AQP7B: variants seen among roughly 807,000 people sequenced by gnomAD.
AQP7B encodes putative aquaporin-7B.
At chr2:94,592,432 G>T in the AQP7B span, among the ~76,000 whole-genome samples, 1 of 152,124 alleles carries the variant, frequency 6.6e-6, no homozygotes, top group East Asian at 1.9e-4. Context: ...TGAGTAGATT[G>T]AGGGGGATGC....
At chr2:94,603,133 G>C in the AQP7B span, 5 of 1,549,290 alleles carry the variant, frequency 3.2e-6, no homozygotes, top group Non-Finnish European at 4.4e-6. Flanking sequence ...CAGTTCCTGG[G>C]CTCCTTCCTG....
chr2:94,604,472 A>G, the AQP7B span: 1 of 1,611,372 alleles, frequency 6.2e-7, no homozygotes. Context: ...TCATGAACCC[A>G]TGATCTCTCC....
the AQP7B span, among the ~76,000 whole-genome samples, chr2:94,590,052 C>G: frequency 6.6e-6 from 1 of 152,250 alleles, no homozygotes; most frequent in Non-Finnish European, 1.5e-5. Context: ...TGAGCTCCCC[C>G]AGTCCCAGGC....
the AQP7B span, among the ~76,000 whole-genome samples, chr2:94,595,673 G>A: frequency 6.6e-6 from 1 of 152,044 alleles, no homozygotes; most frequent in East Asian, 1.9e-4. Flanking sequence ...ACAGAGAGAG[G>A]GTGATGACTG....
At chr2:94,602,810 C>G in the AQP7B span, among the ~76,000 whole-genome samples, 1 of 152,196 alleles carries the variant, frequency 6.6e-6, no homozygotes, top group African/African-American at 2.4e-5. Context: ...CCTGACCTAC[C>G]ATTTTCACTG....
At chr2:94,604,517 T>C in the AQP7B span, 116 of 1,610,344 alleles carry the variant, frequency 7.2e-5, 1 homozygote, top group East Asian at 2.5e-3. Context: ...TGCCAACAGA[T>C]CTTCAGTCCA....
chr2:94,589,872 CT>C, the AQP7B span, among the ~76,000 whole-genome samples: 1 of 152,116 alleles, frequency 6.6e-6, no homozygotes, highest in Admixed American at 6.6e-5. Context: ...GTCCTTGATA[CT>C]TCCCTCTCCC....
At chr2:94,588,626 C>T in the AQP7B span, 1 of 759,102 alleles carries the variant, frequency 1.3e-6, no homozygotes, top group African/African-American at 1.7e-5. Context: ...CTGCTCCATC[C>T]TCAGCCTCTC....
At chr2:94,593,033 G>T in the AQP7B span, among the ~76,000 whole-genome samples, 1 of 151,502 alleles carries the variant, frequency 6.6e-6, no homozygotes, top group Non-Finnish European at 1.5e-5. Flanking sequence ...TTGTCATACT[G>T]CCCAGGCTGG....
chr2:94,594,906 C>T, the AQP7B span: 7 of 1,289,222 alleles, frequency 5.4e-6, no homozygotes, highest in Admixed American at 1.0e-4. Context: ...GTGGGTGGGG[C>T]TCCACCAGGG....
chr2:94,592,812 C>CTTTTT, the AQP7B span, among the ~76,000 whole-genome samples: 6 of 51,754 alleles, frequency 1.2e-4, no homozygotes, highest in Non-Finnish European at 1.4e-4. Flanking sequence ...ATTAATTAAG[C>CTTTTT]TTTTTTTTTT....
At chr2:94,601,567 A>G in the AQP7B span, among the ~76,000 whole-genome samples, 1 of 152,164 alleles carries the variant, frequency 6.6e-6, no homozygotes, top group African/African-American at 2.4e-5. Flanking sequence ...GACATGTGGA[A>G]GTGGAAGCCA....
the AQP7B span, among the ~76,000 whole-genome samples, chr2:94,587,484 G>A: frequency 2.0e-5 from 3 of 152,218 alleles, no homozygotes; most frequent in African/African-American, 7.2e-5. Flanking sequence ...CATTCCCTGG[G>A]TACCATACAG....
the AQP7B span, among the ~76,000 whole-genome samples, chr2:94,597,168 C>G: frequency 6.6e-6 from 1 of 152,168 alleles, no homozygotes; most frequent in African/African-American, 2.4e-5. Flanking sequence ...TACCTCCCCA[C>G]CTGCTTTGGC....
chr2:94,597,132 C>T, the AQP7B span, among the ~76,000 whole-genome samples: 1 of 152,170 alleles, frequency 6.6e-6, no homozygotes, highest in African/African-American at 2.4e-5. Context: ...CTCCTCTCTG[C>T]CTCTGGCCCT....
the AQP7B span, among the ~76,000 whole-genome samples, chr2:94,592,998 AT>A: frequency 4.7e-5 from 7 of 148,452 alleles, no homozygotes; most frequent in Admixed American, 2.0e-4. Context: ...TAATTTTTGT[AT>A]TTTTTTTTCG....
At chr2:94,591,704 A>G in the AQP7B span, among the ~76,000 whole-genome samples, 2 of 152,078 alleles carry the variant, frequency 1.3e-5, no homozygotes, top group African/African-American at 2.4e-5. Context: ...ATTCCTGCAC[A>G]TTGGATACTG....
chr2:94,588,375 C>T, the AQP7B span: 54 of 623,836 alleles, frequency 8.7e-5, no homozygotes, highest in Non-Finnish European at 1.4e-4. Flanking sequence ...CTTGGCTGGG[C>T]TAAGGGAGTG....
At chr2:94,587,682 G>T in the AQP7B span, among the ~76,000 whole-genome samples, 1 of 152,262 alleles carries the variant, frequency 6.6e-6, no homozygotes, top group Non-Finnish European at 1.5e-5. Flanking sequence ...AGATGGCAGG[G>T]ATGCACTGGG....
Sources: allele counts gnomAD v4.1 joint callset (sites outside exome capture counted in the v4.1 genomes callset), GRCh38; gene constraint gnomAD v4.1.1; transcripts MANE v1.5; gene names NCBI Gene and HGNC (gene_info 2026-07-23, HGNC 2026-07-21).